Variants in BACH2 observed in about 807,000 individuals in gnomAD.
BACH2 encodes the protein BACH transcriptional regulator 2, also known as transcription regulator protein BACH2.
In BACH2, 5 loss-of-function variants were observed where a neutral mutation model predicts 61.8. The ratio of observed to expected loss-of-function variants is 0.08; its 90% CI spans 0.04 to 0.17. The LOEUF (loss-of-function observed/expected upper bound fraction) is 0.17. BACH2 is among the 10% of genes least tolerant of loss of function. BACH2 has a pLI of 1.00. For synonymous variants in BACH2, 446 were observed against 440.1 expected (o/e 1.01, Z -0.17); for missense variants, 824 against 1,091.1 (o/e 0.76, Z 3.45).
At chr6:90,003,328 C>G (rs938836465) in intron 6 of BACH2, among the ~76,000 whole-genome samples, 5 of 152,174 alleles carry the variant, frequency 3.3e-5, no homozygotes, top group African/African-American at 1.2e-4. Flanking sequence ...CACCCTTTCC[C>G]TAGACATCAG....
intron 4 of BACH2, among the ~76,000 whole-genome samples, chr6:90,156,320 A>C (rs971038364): frequency 6.6e-6 from 1 of 152,236 alleles, no homozygotes; most frequent in Non-Finnish European, 1.5e-5. Context: ...CCCTGTAGGC[A>C]GTAAGAATTA....
intron 4 of BACH2, among the ~76,000 whole-genome samples, chr6:90,163,834 C>T (rs914974527): frequency 2.0e-5 from 3 of 152,100 alleles, no homozygotes; most frequent in African/African-American, 7.2e-5. Context: ...ACATAATATA[C>T]TTTTTCCTTA....
intron 4 of BACH2, among the ~76,000 whole-genome samples, chr6:90,117,872 C>G (rs558344734): frequency 9.9e-5 from 15 of 152,066 alleles, no homozygotes; most frequent in African/African-American, 2.9e-4. Context: ...TTTTTCGTAC[C>G]AAGCGAGAAT....
chr6:90,274,332 CAACAAA>C (rs1340896140), intron 1 of BACH2, among the ~76,000 whole-genome samples: 1 of 152,016 alleles, frequency 6.6e-6, no homozygotes, highest in East Asian at 1.9e-4. Context: ...AGTCCACACA[CAACAAA>C]AACAAAACAA....
intron 5 of BACH2, among the ~76,000 whole-genome samples, chr6:90,029,475 C>T (rs1486355758): frequency 6.6e-6 from 1 of 152,120 alleles, no homozygotes; most frequent in Non-Finnish European, 1.5e-5. Context: ...ACCCCAGCCT[C>T]CCACCTCACT....
intron 7 of BACH2, among the ~76,000 whole-genome samples, chr6:89,947,636 G>A (rs1773811373): frequency 6.6e-6 from 1 of 152,004 alleles, no homozygotes; most frequent in South Asian, 2.1e-4. Context: ...CGCGATCTCG[G>A]CTCACTGCAA....
At chr6:90,191,026 C>G (rs1489181563) in intron 4 of BACH2, among the ~76,000 whole-genome samples, 3 of 152,186 alleles carry the variant, frequency 2.0e-5, no homozygotes, top group African/African-American at 4.8e-5. Context: ...TGAAGTGTTT[C>G]AAGAGGAGAG....
intron 4 of BACH2, among the ~76,000 whole-genome samples, chr6:90,171,287 C>G (rs1247705302): frequency 1.3e-5 from 2 of 151,922 alleles, no homozygotes; most frequent in Non-Finnish European, 2.9e-5. Context: ...GTAGTGTGCA[C>G]CCGTAGTCTC....
intron 4 of BACH2, among the ~76,000 whole-genome samples, chr6:90,120,385 A>T (rs1783574524): frequency 1.3e-5 from 2 of 152,226 alleles, no homozygotes; most frequent in Non-Finnish European, 2.9e-5. Context: ...AATTTGAAAT[A>T]AAAAACCCTA....
rs779277240 is a variant in BACH2 at position 89,951,185 on chromosome 6, G to C, written c.921C>G (p.Val307=). 4 of 1,613,600 alleles carry C rather than the reference G, an allele frequency of 2.5e-6. No homozygotes were observed. The South Asian group carries it at 4.4e-5, about 18-fold the overall frequency. ...EPDAKDRAGD[V]EMDRKQPSPA... Reference sequence around the variant, plus strand: ...GGCTGGGCTGTTTCCGGTCCATCTCGACATCCCCCGCTCTGTCCTTGGCGT... The same window carrying C: ...GGCTGGGCTGTTTCCGGTCCATCTCCACATCCCCCGCTCTGTCCTTGGCGT... The change falls in exon 7 of 9, where the codon GTC becomes GTG. Residue 307 remains valine (V), a synonymous_variant. Coordinates refer to ENST00000257749, the MANE Select transcript of BACH2 (RefSeq NM_021813.4). This position sits in a 1 kb window ranked among gnomAD's most constrained non-coding sequence, Gnocchi z 6.4.
chr6:89,975,962 C>T (rs897440388), intron 6 of BACH2, among the ~76,000 whole-genome samples: 1 of 152,192 alleles, frequency 6.6e-6, no homozygotes, highest in African/African-American at 2.4e-5. Flanking sequence ...GTGTCAGCGA[C>T]AGACACACAT....
At chr6:90,127,144 C>T (rs1023160458) in intron 4 of BACH2, among the ~76,000 whole-genome samples, 14 of 152,334 alleles carry the variant, frequency 9.2e-5, no homozygotes, top group East Asian at 7.7e-4. Flanking sequence ...CACAGTTATA[C>T]GTTGTTGCAT....
chr6:90,247,234 TTTC>T (rs1210807503), intron 3 of BACH2, among the ~76,000 whole-genome samples: 48 of 151,994 alleles, frequency 3.2e-4, no homozygotes, highest in Non-Finnish European at 3.7e-4. Context: ...TATCAATTTC[TTTC>T]TTCTTCTTCT....
intron 4 of BACH2, among the ~76,000 whole-genome samples, chr6:90,179,071 C>T (rs556491977): frequency 3.9e-5 from 6 of 152,192 alleles, no homozygotes; most frequent in African/African-American, 9.6e-5. Flanking sequence ...TGAACTGCCC[C>T]GAATCACATT....
intron 5 of BACH2, among the ~76,000 whole-genome samples, chr6:90,036,975 GT>G (rs945317518): frequency 3.3e-5 from 5 of 152,140 alleles, no homozygotes; most frequent in African/African-American, 1.2e-4. Context: ...TAAGTGTTCT[GT>G]TTTTCTTCTT....
chr6:89,974,951 A>C (rs957611921), intron 6 of BACH2, among the ~76,000 whole-genome samples: 1 of 152,244 alleles, frequency 6.6e-6, no homozygotes, highest in Non-Finnish European at 1.5e-5. Flanking sequence ...GCTGTCCTCC[A>C]CTTGAAATCT....
At chr6:90,110,090 C>T (rs1783102695) in intron 4 of BACH2, among the ~76,000 whole-genome samples, 2 of 152,184 alleles carry the variant, frequency 1.3e-5, no homozygotes, top group African/African-American at 4.8e-5. Context: ...TAACAGAGGA[C>T]TGCTGGATTC....
chr6:90,050,235 C>A (rs2127794297), intron 5 of BACH2, among the ~76,000 whole-genome samples: 1 of 152,228 alleles, frequency 6.6e-6, no homozygotes, highest in South Asian at 2.1e-4. Context: ...TCCAATCATA[C>A]AAAATCATAC....
At chr6:90,183,383 GTTGAC>G (rs1382872904) in intron 4 of BACH2, among the ~76,000 whole-genome samples, 1 of 152,222 alleles carries the variant, frequency 6.6e-6, no homozygotes, top group South Asian at 2.1e-4. Context: ...CAGTAAAACT[GTTGAC>G]TGGCTGTAGG....
Sources: gnomAD v4.1 joint callset for allele counts (sites outside exome capture counted in the v4.1 genomes callset) on GRCh38, gnomAD v4.1.1 for gene constraint, Gnocchi (gnomAD v3.1) non-coding constraint, MANE v1.5 for transcripts, NCBI Gene and HGNC (gene_info 2026-07-23, HGNC 2026-07-21) for gene names.